The following PIP5K1B variants were observed in gnomAD, a reference collection of about 807,000 sequenced individuals.
PIP5K1B encodes the protein phosphatidylinositol-4-phosphate 5-kinase type 1 beta, also known as phosphatidylinositol 4-phosphate 5-kinase type-1 beta.
In PIP5K1B, 42 loss-of-function variants were observed where a neutral mutation model predicts 67.0. The ratio of observed to expected loss-of-function variants is 0.63; its 90% CI spans 0.49 to 0.81. The LOEUF (loss-of-function observed/expected upper bound fraction) is 0.81. Ranked by LOEUF, PIP5K1B falls within the 30% of genes least tolerant of loss-of-function variation. The pLI is 0.00. For synonymous variants in PIP5K1B, 214 were observed against 231.4 expected (o/e 0.92, Z 0.68); for missense variants, 459 against 646.3 (o/e 0.71, Z 3.14).
At position 68,735,653 on chromosome 9, in the gene PIP5K1B, G is replaced by T. The variant is rs376392922; in HGVS notation, c.-242-6848G>T. Among the ~76,000 whole-genome samples the T allele has an allele frequency of 7.1e-3, 1,082 of 152,246 alleles. 13 individuals carry two copies. Among genetic ancestry groups the T allele is most frequent in the African/African-American group, 0.025 (1,038 of 41,524 alleles). ...GATCCGCTTGCCTCAGCCTCCCAAAGTGCTGGGATTACAGGCATGAGCCAC... is the reference window on the plus strand; with the variant it reads ...GATCCGCTTGCCTCAGCCTCCCAAATTGCTGGGATTACAGGCATGAGCCAC... On this transcript the variant is annotated intron_variant, in intron 1 of 15. Coordinates refer to ENST00000265382, the MANE Select transcript of PIP5K1B (RefSeq NM_003558.4).
At chr9:68,805,546 G>A (rs1478572355) in intron 2 of PIP5K1B, among the ~76,000 whole-genome samples, 1 of 152,166 alleles carries the variant, frequency 6.6e-6, no homozygotes, top group Non-Finnish European at 1.5e-5. Context: ...TTTCAGATGA[G>A]GAAACTGAGG....
intron 14 of PIP5K1B, among the ~76,000 whole-genome samples, chr9:68,971,001 GATTT>G (rs972202105): frequency 3.3e-5 from 5 of 151,994 alleles, no homozygotes; most frequent in African/African-American, 9.7e-5. Context: ...TTTATTTATT[GATTT>G]ATTTATTTTA....
At chr9:68,893,333 CTTT>C (rs397792694) in intron 7 of PIP5K1B, among the ~76,000 whole-genome samples, 1 of 110,954 alleles carries the variant, frequency 9.0e-6, no homozygotes, top group Non-Finnish European at 1.7e-5. Context: ...TATTTTTTTT[CTTT>C]TTTTTTTTTT....
intron 14 of PIP5K1B, among the ~76,000 whole-genome samples, chr9:68,989,843 G>A (rs546988975): frequency 2.0e-5 from 3 of 152,230 alleles, no homozygotes; most frequent in Admixed American, 6.5e-5. Context: ...AGCCAGGCAT[G>A]GTGGTGCACA....
At position 68,929,734 on chromosome 9, in the gene PIP5K1B, A is replaced by G. The variant is rs1461235797; in HGVS notation, c.1202-5156A>G. Among the ~76,000 whole-genome samples the G allele has an allele frequency of 2.6e-5, 4 of 152,070 alleles. No homozygotes were observed. The South Asian group carries it at 6.2e-4, about 24-fold the overall frequency. On this transcript the variant is annotated intron_variant, in intron 12 of 15. Transcript: ENST00000265382. The stretch of plus-strand genomic sequence containing the variant: ...GCCCAGGCTGGAGTACAGTGGCACT[A>G]TCTCAGCTCACTGCAACCTCTGCCT...
chr9:68,810,800 G>A (rs932828826), intron 2 of PIP5K1B, among the ~76,000 whole-genome samples: 5 of 151,588 alleles, frequency 3.3e-5, no homozygotes, highest in Non-Finnish European at 7.4e-5. Flanking sequence ...GCTTACTGAT[G>A]TAGAACAAGT....
intron 1 of PIP5K1B, chr9:68,707,659 T>A (rs1291494458): frequency 6.6e-6 from 1 of 152,182 alleles, no homozygotes; most frequent in Non-Finnish European, 1.5e-5. Flanking sequence ...TTACATCTCA[T>A]TTAGTGGCAT....
intron 13 of PIP5K1B, among the ~76,000 whole-genome samples, chr9:68,938,625 C>T (rs888427857): frequency 2.0e-5 from 3 of 152,068 alleles, no homozygotes; most frequent in Non-Finnish European, 4.4e-5. Flanking sequence ...TGAATTTCAT[C>T]CCGTCATTAT....
At chr9:68,740,871 C>T (rs1398150834) in intron 1 of PIP5K1B, among the ~76,000 whole-genome samples, 2 of 152,250 alleles carry the variant, frequency 1.3e-5, no homozygotes, top group South Asian at 2.1e-4. Flanking sequence ...TAGTTATCCC[C>T]GAGTTGGAAG....
At chr9:68,821,812 A>G (rs778880653) in intron 3 of PIP5K1B, among the ~76,000 whole-genome samples, 8 of 152,242 alleles carry the variant, frequency 5.3e-5, no homozygotes, top group Non-Finnish European at 7.3e-5. Context: ...AGCTGCCTCA[A>G]CTATCCTTCA....
At chr9:68,961,822 C>T (rs1048979353) in intron 14 of PIP5K1B, among the ~76,000 whole-genome samples, 24 of 152,242 alleles carry the variant, frequency 1.6e-4, no homozygotes, top group African/African-American at 5.8e-4. Context: ...CCACCCACTC[C>T]GGAGAATAAA....
chr9:68,949,888 A>T (rs184821627), intron 14 of PIP5K1B, among the ~76,000 whole-genome samples: 2 of 152,304 alleles, frequency 1.3e-5, no homozygotes, highest in Non-Finnish European at 2.9e-5. Context: ...TTATTTGAAC[A>T]CGGTCCGAAC....
At chr9:68,974,281 G>A (rs1039996938) in intron 14 of PIP5K1B, among the ~76,000 whole-genome samples, 8 of 152,176 alleles carry the variant, frequency 5.3e-5, no homozygotes, top group African/African-American at 1.9e-4. Context: ...CTCTAAGCCA[G>A]CATTTCTTAA....
At chr9:68,712,371 C>T (rs985323190) in intron 1 of PIP5K1B, among the ~76,000 whole-genome samples, 6 of 152,200 alleles carry the variant, frequency 3.9e-5, no homozygotes, top group African/African-American at 1.4e-4. Flanking sequence ...ATGAATTATG[C>T]AGCCTTAGGT....
intron 8 of PIP5K1B, among the ~76,000 whole-genome samples, chr9:68,907,649 C>T (rs1825680855): frequency 6.6e-6 from 1 of 152,112 alleles, no homozygotes; most frequent in Non-Finnish European, 1.5e-5. Context: ...AATCCTAGAG[C>T]ATGGATCAGC....
At chr9:68,785,094 A>C (rs1831536161) in intron 2 of PIP5K1B, among the ~76,000 whole-genome samples, 1 of 152,184 alleles carries the variant, frequency 6.6e-6, no homozygotes, top group African/African-American at 2.4e-5. Context: ...GCCAGGTTGC[A>C]GTTGGATGGC....
chr9:68,758,131 A>T (rs1388131440), intron 2 of PIP5K1B, among the ~76,000 whole-genome samples: 1 of 152,204 alleles, frequency 6.6e-6, no homozygotes, highest in East Asian at 1.9e-4. Context: ...TTGCCTGCTA[A>T]GACAAAAATA....
At chr9:68,960,442 G>T in intron 14 of PIP5K1B, among the ~76,000 whole-genome samples, 1 of 151,682 alleles carries the variant, frequency 6.6e-6, no homozygotes. Context: ...TTCCTTTTTG[G>T]TCTTTTTTTC....
chr9:68,926,448 T>A (rs946944916), intron 12 of PIP5K1B, among the ~76,000 whole-genome samples: 5 of 152,244 alleles, frequency 3.3e-5, no homozygotes, highest in African/African-American at 9.6e-5. Flanking sequence ...ATCTATTTTT[T>A]AATAATAGCT....
Sources: allele counts gnomAD v4.1 joint callset (sites outside exome capture counted in the v4.1 genomes callset), GRCh38; gene constraint gnomAD v4.1.1; transcripts MANE v1.5; gene names NCBI Gene and HGNC (gene_info 2026-07-23, HGNC 2026-07-21).